The following LOXHD1 variants were observed in gnomAD, a reference collection of about 807,000 sequenced individuals.
LOXHD1 encodes the protein lipoxygenase homology PLAT domains 1, also known as lipoxygenase homology domain-containing protein 1.
LOXHD1 carries 205 observed loss-of-function variants against 248.2 expected under a neutral mutation model. The ratio of observed to expected loss-of-function variants is 0.83; its 90% confidence interval spans 0.74 to 0.93. LOXHD1 has a LOEUF of 0.93. LOXHD1 is among the 40% of genes least tolerant of loss of function. LOXHD1 has a pLI of 0.00. For synonymous variants in LOXHD1, 1,113 were observed against 1,162.8 expected, an observed-to-expected ratio of 0.96 and a Z score of 0.87; for missense variants, 2,930 against 2,971.6, an observed-to-expected ratio of 0.99 and a Z score of 0.33.
At chr18:46,553,210 T>G (rs764592630) in intron 21 of LOXHD1, among the ~76,000 whole-genome samples, 1 of 152,238 alleles carries the variant, frequency 6.6e-6, no homozygotes, top group African/African-American at 2.4e-5. Flanking sequence ...AATTGGACTC[T>G]CATTGCCAAG....
At position 46,569,542 on chromosome 18, in the gene LOXHD1, G is replaced by C. The variant is rs549069039; in HGVS notation, c.2144C>G (p.Thr715Ser). 9 of 1,551,926 alleles carry C rather than the reference G, an allele frequency of 5.8e-6. No individual in the cohort carries two copies. Among genetic ancestry groups the C allele is most frequent in the Non-Finnish European group, 7.8e-6 (9 of 1,147,028 alleles). ...YIKLYGDKSD[T>S]IKQVLLVSDN... is the part of the protein sequence containing the mutation. ...AGAGACAAGAAGAACTTGCTTGATGGTGTCAGATTTATCCCCATAGAGCTT... is the reference window on the plus strand; with the variant it reads ...AGAGACAAGAAGAACTTGCTTGATGCTGTCAGATTTATCCCCATAGAGCTT... The change falls in exon 16 of 41, where the codon ACC (threonine) becomes AGC (serine). Residue 715 changes from threonine (T) to serine (S), a missense_variant. Coordinates refer to ENST00000642948, the MANE Select transcript of LOXHD1 (RefSeq NM_001384474.1).
intron 38 of LOXHD1, 74 bp downstream of exon 38, chr18:46,488,898 C>T: frequency 3.4e-6 from 5 of 1,482,828 alleles, no homozygotes; most frequent in Non-Finnish European, 4.5e-6. Context: ...GACCCCCCTC[C>T]AGCTGGAACG....
intron 14 of LOXHD1, among the ~76,000 whole-genome samples, chr18:46,573,126 G>C (rs1291839100): frequency 6.6e-6 from 1 of 152,014 alleles, no homozygotes; most frequent in Non-Finnish European, 1.5e-5. Context: ...AAGAGTTGAG[G>C]GAAATGAGAA....
chr18:46,635,209 G>T (rs1351715980), intron 4 of LOXHD1, among the ~76,000 whole-genome samples: 1 of 152,084 alleles, frequency 6.6e-6, no homozygotes, highest in Non-Finnish European at 1.5e-5. Flanking sequence ...GAACAGACAA[G>T]CAGAAGCCTC....
At position 46,524,727 on chromosome 18, in the gene LOXHD1, T is replaced by C. The variant is rs779590625; in HGVS notation, c.4721A>G (p.Glu1574Gly). ...LSLKKEDGRL[E>G]RLFYEKEYTG... Reference sequence around the variant, plus strand: ...GCTCACCTTCTCGTAAAAGAGCCTCTCGAGTCGCCCATCCTCCTTCTTCAG... The same window carrying C: ...GCTCACCTTCTCGTAAAAGAGCCTCCCGAGTCGCCCATCCTCCTTCTTCAG... The change falls in exon 30 of 41, where the codon GAG becomes GGG. Residue 1574 changes from glutamate (E) to glycine (G), a missense_variant. Glu to Gly is a moderately conservative substitution (Grantham distance 98, BLOSUM62 -2). Coordinates refer to ENST00000642948, the MANE Select transcript of LOXHD1 (RefSeq NM_001384474.1). The C allele has an allele frequency of 6.4e-7, 1 of 1,551,732 alleles. No individual in the cohort carries two copies. Among genetic ancestry groups the C allele is most frequent in the Admixed American group, 2.0e-5 (1 of 51,008 alleles).
intron 28 of LOXHD1, among the ~76,000 whole-genome samples, chr18:46,530,722 C>A (rs1267462134): frequency 1.3e-5 from 2 of 152,168 alleles, no homozygotes; most frequent in Non-Finnish European, 2.9e-5. Flanking sequence ...AACACAGTGA[C>A]ACCCACAGCA....
chr18:46,582,796 A>C (rs891018628), intron 12 of LOXHD1, among the ~76,000 whole-genome samples: 3 of 152,198 alleles, frequency 2.0e-5, no homozygotes, highest in Non-Finnish European at 2.9e-5. Context: ...AGAGCTTGGC[A>C]GGCTCTTGAG....
At chr18:46,576,058 C>T (rs1307922656) in intron 14 of LOXHD1, among the ~76,000 whole-genome samples, 1 of 152,212 alleles carries the variant, frequency 6.6e-6, no homozygotes, top group East Asian at 1.9e-4. Flanking sequence ...GCCCCGGCTC[C>T]AGCCCCTGCA....
chr18:46,629,281 T>A (rs1293232903), intron 4 of LOXHD1, among the ~76,000 whole-genome samples: 2 of 152,206 alleles, frequency 1.3e-5, no homozygotes, highest in Non-Finnish European at 2.9e-5. Context: ...TATAGTCCCA[T>A]GTGCTTTCTG....
At chr18:46,547,845 G>C (rs1017671574) in intron 21 of LOXHD1, among the ~76,000 whole-genome samples, 1 of 152,132 alleles carries the variant, frequency 6.6e-6, no homozygotes, top group Non-Finnish European at 1.5e-5. Flanking sequence ...AATGCATAAC[G>C]TTTTAAGTGT....
chr18:46,494,847 C>CTTTTTT lies in LOXHD1; in HGVS notation c.5879-5706_5879-5705insAAAAAA, dbSNP rs1256277774. 1.0e-3 allele frequency among the ~76,000 whole-genome samples: 117 copies of CTTTTTT among 113,400 alleles called. 2 individuals carry two copies. Among genetic ancestry groups the CTTTTTT allele is most frequent in the African/African-American group, 3.0e-3 (98 of 32,692 alleles). The allele number at this position is 113,400 out of a possible 152,430, so 74.4% of individuals were successfully genotyped here. On this transcript the variant is annotated intron_variant, in intron 37 of 40. Transcript: ENST00000642948. ...ATTTTTCTTTCTCCTTTTTCTCTCT[C>CTTTTTT]TCTTTTTTTTTTTTTTTTTTTTTTG...
chr18:46,618,328 G>T, intron 4 of LOXHD1, 38 bp from the exon 5 acceptor site: 1 of 1,439,584 alleles, frequency 6.9e-7, no homozygotes, highest in Non-Finnish European at 9.5e-7. Context: ...AGCTCATCAG[G>T]ATCCTGAAAA....
intron 33 of LOXHD1, among the ~76,000 whole-genome samples, chr18:46,520,064 C>T (rs755726553): frequency 2.2e-4 from 34 of 152,170 alleles, no homozygotes; most frequent in Non-Finnish European, 4.3e-4. Context: ...GCGGAGGTCC[C>T]TGGATGAACT....
At chr18:46,498,548 C>T (rs1299760131) in intron 37 of LOXHD1, among the ~76,000 whole-genome samples, 4 of 152,104 alleles carry the variant, frequency 2.6e-5, no homozygotes, top group Non-Finnish European at 4.4e-5. Flanking sequence ...GAGAAGAATC[C>T]TTCCTTGTGT....
intron 37 of LOXHD1, among the ~76,000 whole-genome samples, chr18:46,500,990 AAATT>A (rs2034190273): frequency 6.6e-6 from 1 of 152,142 alleles, no homozygotes; most frequent in Non-Finnish European, 1.5e-5. Flanking sequence ...ATCATTATTT[AAATT>A]AATTACTTGT....
intron 6 of LOXHD1, among the ~76,000 whole-genome samples, chr18:46,607,740 G>A (rs1410780082): frequency 4.6e-5 from 7 of 151,954 alleles, no homozygotes; most frequent in Non-Finnish European, 1.0e-4. Flanking sequence ...ATGATGTGGT[G>A]GGAATTTGAC....
chr18:46,558,036 A>G, intron 20 of LOXHD1: 1 of 987,902 alleles, frequency 1.0e-6, no homozygotes, highest in Non-Finnish European at 1.2e-6. Context: ...GCACGGGAGG[A>G]AGCAGACCAC....
intron 4 of LOXHD1, among the ~76,000 whole-genome samples, chr18:46,625,908 C>T (rs979431033): frequency 3.3e-5 from 5 of 152,188 alleles, no homozygotes; most frequent in Admixed American, 6.5e-5. Flanking sequence ...CATTACTTCC[C>T]TTTCCAACCC....
intron 7 of LOXHD1, among the ~76,000 whole-genome samples, chr18:46,602,470 T>C (rs920519672): frequency 3.3e-5 from 5 of 152,066 alleles, no homozygotes; most frequent in Admixed American, 3.3e-4. Flanking sequence ...ACTCCCAAAG[T>C]GCTGAGATTA....
Sources: gnomAD v4.1 joint callset for allele counts (sites outside exome capture counted in the v4.1 genomes callset) on GRCh38, gnomAD v4.1.1 for gene constraint, MANE v1.5 for transcripts, NCBI Gene and HGNC (gene_info 2026-07-23, HGNC 2026-07-21) for gene names.